The following SEZ6L variants were observed in gnomAD, a reference collection of about 807,000 sequenced individuals.
SEZ6L encodes seizure 6-like protein.
Under a neutral mutation model 106.2 loss-of-function variants are expected in SEZ6L, and 37 were observed. That is an observed-to-expected ratio of 0.35 (90% CI 0.27 to 0.46). SEZ6L has a LOEUF of 0.46. SEZ6L is among the 20% of genes least tolerant of loss of function. SEZ6L has a pLI of 1.00. For missense variants in SEZ6L, 1,172 were observed against 1,332.8 expected (o/e 0.88, Z 1.88); for synonymous variants, 541 against 570.4 (o/e 0.95, Z 0.73).
chr22:26,368,523 G>C (rs1157948395), intron 13 of SEZ6L, among the ~76,000 whole-genome samples: 1 of 152,186 alleles, frequency 6.6e-6, no homozygotes, highest in Non-Finnish European at 1.5e-5. Context: ...TTAGGGTTCT[G>C]TTTCTAGGAA....
At chr22:26,356,610 C>A (rs1464255764) in intron 12 of SEZ6L, among the ~76,000 whole-genome samples, 1 of 150,886 alleles carries the variant, frequency 6.6e-6, no homozygotes, top group Non-Finnish European at 1.5e-5. Flanking sequence ...CCACTGCACT[C>A]CAGGCTGGGA....
chr22:26,224,641 G>T (rs1349076143), intron 1 of SEZ6L, among the ~76,000 whole-genome samples: 1 of 152,200 alleles, frequency 6.6e-6, no homozygotes, highest in African/African-American at 2.4e-5. Context: ...TTTGACATAG[G>T]ATTAGGGTGG....
In SEZ6L at chr22:26,299,188, C is replaced by T. The variant is rs569213610; in HGVS notation, c.1348+19C>T. ...TGCTCAGGTATGCTCCAGCCTCAGC[C>T]GGACCAAACCTGATGGTCCAACTAA... On this transcript the variant is annotated intron_variant, in intron 5 of 16. Coordinates refer to ENST00000248933, the MANE Select transcript of SEZ6L (RefSeq NM_021115.5). 1.1e-5 allele frequency: 15 copies of T among 1,389,396 alleles called. No individual in the cohort carries two copies. The highest frequency in any genetic ancestry group is 2.9e-5 in the Admixed American group (1 of 34,480). The allele number at this position is 1,389,396 out of a possible 1,614,324, so 86.1% of individuals were successfully genotyped here.
intron 10 of SEZ6L, among the ~76,000 whole-genome samples, chr22:26,347,346 G>A (rs892280586): frequency 6.6e-6 from 1 of 152,058 alleles, no homozygotes; most frequent in Non-Finnish European, 1.5e-5. Flanking sequence ...GGTAAGCAGC[G>A]GCCACAGTGA....
chr22:26,294,496 A>G, intron 3 of SEZ6L, 71 bp downstream of exon 3: 1 of 1,513,904 alleles, frequency 6.6e-7, no homozygotes, highest in South Asian at 1.2e-5. Flanking sequence ...TGTCTGAGTC[A>G]GGCTTACTGT....
intron 9 of SEZ6L, among the ~76,000 whole-genome samples, chr22:26,324,371 A>T (rs2082248454): frequency 6.6e-6 from 1 of 152,188 alleles, no homozygotes; most frequent in South Asian, 2.1e-4. Context: ...AGGGCCTAAT[A>T]ACAAACCCAG....
At position 26,198,985 on chromosome 22, in the gene SEZ6L, G is replaced by A. The variant is rs549247632; in HGVS notation, c.94+29222G>A. ...TGGTGGGAATGTTCCCAGTAACTTG[G>A]AGAGACAACTGGATAAGCAGAGTCA... On this transcript the variant is annotated intron_variant, in intron 1 of 16. Coordinates refer to ENST00000248933, the MANE Select transcript of SEZ6L (RefSeq NM_021115.5). 6.6e-5 allele frequency among the ~76,000 whole-genome samples: 10 copies of A among 152,352 alleles called. No homozygotes were observed. In the South Asian group the frequency reaches 8.3e-4, roughly 13 times the overall value.
chr22:26,319,278 T>C (rs531408766), intron 9 of SEZ6L, among the ~76,000 whole-genome samples: 1 of 152,320 alleles, frequency 6.6e-6, no homozygotes, highest in African/African-American at 2.4e-5. Context: ...CCAGGGTTAT[T>C]GCAACGGCCT....
chr22:26,217,395 C>G (rs1176961857), intron 1 of SEZ6L, among the ~76,000 whole-genome samples: 1 of 152,216 alleles, frequency 6.6e-6, no homozygotes, highest in East Asian at 1.9e-4. Flanking sequence ...CTTCTTGTGG[C>G]TTCTGCCAAC....
intron 12 of SEZ6L, among the ~76,000 whole-genome samples, chr22:26,364,322 A>C (rs1276697571): frequency 6.6e-6 from 1 of 151,798 alleles, no homozygotes; most frequent in African/African-American, 2.4e-5. Context: ...CTCTCCAGTA[A>C]ATACTGTGAT....
chr22:26,340,931 A>G (rs1224817673), intron 10 of SEZ6L, among the ~76,000 whole-genome samples: 2 of 151,272 alleles, frequency 1.3e-5, no homozygotes, highest in Non-Finnish European at 3.0e-5. Context: ...TGATATCAGG[A>G]TGTAGTAGAC....
At chr22:26,174,464 C>A (rs1938842498) in intron 1 of SEZ6L, among the ~76,000 whole-genome samples, 1 of 152,198 alleles carries the variant, frequency 6.6e-6, no homozygotes, top group East Asian at 1.9e-4. Flanking sequence ...CCTGCTCTCC[C>A]CTGAACTTCA....
In SEZ6L at chr22:26,264,687, C is replaced by A. The variant is rs144938789; in HGVS notation, c.95-27719C>A. Reference sequence around the variant, plus strand: ...CTATTCAACTCTGCATGAAAGCATCCTTAGACAATACATAAAAAGAAAAAG... The same window carrying A: ...CTATTCAACTCTGCATGAAAGCATCATTAGACAATACATAAAAAGAAAAAG... On this transcript the variant is annotated intron_variant, in intron 1 of 16. Coordinates refer to ENST00000248933, the MANE Select transcript of SEZ6L (RefSeq NM_021115.5). 2.7e-3 allele frequency among the ~76,000 whole-genome samples: 409 copies of A among 152,232 alleles called. 3 individuals are homozygous for A. The highest frequency in any genetic ancestry group is 9.5e-3 in the African/African-American group (394 of 41,544).
chr22:26,313,839 G>T lies in SEZ6L; in HGVS notation c.1952G>T (p.Gly651Val). Residue 651 changes from glycine (G) to valine (V), a missense_variant, in exon 9 of 17, where the codon GGT (glycine) becomes GTT (valine). Coordinates refer to ENST00000248933, the MANE Select transcript of SEZ6L (RefSeq NM_021115.5). Reference protein sequence around the residue: ...SPNWPEPYVEGEDCIWKIHVG... With the variant: ...SPNWPEPYVEVEDCIWKIHVG... ...AACTGGCCCGAGCCCTACGTGGAAG[G>T]TGAAGATTGTATCTGGAAGATCCAC... 1 of 1,613,328 alleles carries T rather than the reference G, an allele frequency of 6.2e-7. No homozygotes were observed. Among genetic ancestry groups the T allele is most frequent in the Non-Finnish European group, 8.5e-7 (1 of 1,179,304 alleles).
chr22:26,291,503 C>T (rs998068515), intron 1 of SEZ6L, among the ~76,000 whole-genome samples: 1 of 152,116 alleles, frequency 6.6e-6, no homozygotes, highest in African/African-American at 2.4e-5. Flanking sequence ...GGGCTTAATA[C>T]CTAGCGTGGG....
intron 5 of SEZ6L, among the ~76,000 whole-genome samples, chr22:26,302,019 G>A (rs554591936): frequency 5.3e-5 from 8 of 152,198 alleles, no homozygotes; most frequent in African/African-American, 1.9e-4. Flanking sequence ...TGGTCAGAGT[G>A]GATCCATGGA....
At chr22:26,342,379 C>T (rs2082863443) in intron 10 of SEZ6L, among the ~76,000 whole-genome samples, 1 of 152,164 alleles carries the variant, frequency 6.6e-6, no homozygotes, top group African/African-American at 2.4e-5. Flanking sequence ...GGTTCTTTCT[C>T]CCCGTTCACT....
Position 26,270,182 on chromosome 22 carries a change from A to G in SEZ6L, c.95-22224A>G, listed in dbSNP as rs80056348. The stretch of plus-strand genomic sequence containing the variant: ...ACCTGGCACAGAAGGATTGAATAAG[A>G]TGATGCGTGGTAGAATGTTTAGCCC... On this transcript the variant is annotated intron_variant, in intron 1 of 16. Transcript: ENST00000248933. Among the ~76,000 whole-genome samples, 1,412 of 152,282 alleles carry G rather than the reference A, an allele frequency of 9.3e-3. 18 individuals are homozygous for G. The highest frequency in any genetic ancestry group is 0.032 in the African/African-American group (1,348 of 41,546).
intron 1 of SEZ6L, among the ~76,000 whole-genome samples, chr22:26,276,228 C>G (rs1050818491): frequency 3.9e-5 from 6 of 152,134 alleles, no homozygotes; most frequent in African/African-American, 1.4e-4. Flanking sequence ...CTTGCTTTAC[C>G]CCAGTGTTTC....
Sources: gnomAD v4.1 joint callset for allele counts (sites outside exome capture counted in the v4.1 genomes callset) on GRCh38, gnomAD v4.1.1 for gene constraint, MANE v1.5 for transcripts, NCBI Gene and HGNC (gene_info 2026-07-23, HGNC 2026-07-21) for gene names.